XXYLT1: variants seen among roughly 807,000 people sequenced by gnomAD.
XXYLT1 encodes UDP-xylose:alpha-xyloside alpha-1,3-xylosyltransferase.
In XXYLT1, 20 loss-of-function variants were observed where a neutral mutation model predicts 28.9. The observed-to-expected ratio is 0.69, with a 90% confidence interval of 0.49 to 1.00. The LOEUF (loss-of-function observed/expected upper bound fraction) is 1.00, where lower values mean the gene tolerates loss of function less well. Ranked by LOEUF, XXYLT1 falls within the 50% of genes least tolerant of loss-of-function variation. XXYLT1 has a pLI of 0.00. For missense variants in XXYLT1, 542 were observed against 560.1 expected, an observed-to-expected ratio of 0.97 and a Z score of 0.33; for synonymous variants, 257 against 253.8, an observed-to-expected ratio of 1.01 and a Z score of -0.12.
intron 2 of XXYLT1, among the ~76,000 whole-genome samples, chr3:195,225,238 T>C (rs2108800218): frequency 6.6e-6 from 1 of 152,224 alleles, no homozygotes; most frequent in Non-Finnish European, 1.5e-5. Flanking sequence ...GGTGAGCTCG[T>C]CTCCTCTCTT....
rs1577147261 is a variant in XXYLT1, at chr3:195,207,971, A to C, written c.652+18738T>G. Among the ~76,000 whole-genome samples, 3 of 152,184 alleles carry C rather than the reference A, an allele frequency of 2.0e-5. No homozygotes were observed. In the South Asian group the frequency reaches 6.2e-4, roughly 32 times the overall value. On this transcript the variant is annotated intron_variant, in intron 2 of 3. Coordinates refer to ENST00000310380, the MANE Select transcript of XXYLT1 (RefSeq NM_152531.5). ...AGGCAAGGCTCAGAGAGAGAGACAG[A>C]AAGTGCCCAAGACAGAAGCAGCAGG... is the stretch of plus-strand genomic sequence containing the variant.
At chr3:195,138,595 T>C (rs942579149) in intron 3 of XXYLT1, among the ~76,000 whole-genome samples, 3 of 152,124 alleles carry the variant, frequency 2.0e-5, no homozygotes, top group African/African-American at 4.8e-5. Context: ...CAGTGGCTCA[T>C]GTCTGTAATC....
At chr3:195,226,444 G>A (rs1260925014) in intron 2 of XXYLT1, among the ~76,000 whole-genome samples, 1 of 152,104 alleles carries the variant, frequency 6.6e-6, no homozygotes. Context: ...GGGGGCGAGT[G>A]CAAGGGGCAG....
chr3:195,080,673 T>G (rs1715383517), intron 3 of XXYLT1, among the ~76,000 whole-genome samples: 1 of 151,974 alleles, frequency 6.6e-6, no homozygotes, highest in South Asian at 2.1e-4. Flanking sequence ...CCAGGACACA[T>G]GGTGGGGTGT....
At chr3:195,263,829 C>G (rs969423289) in intron 1 of XXYLT1, among the ~76,000 whole-genome samples, 2 of 152,214 alleles carry the variant, frequency 1.3e-5, no homozygotes, top group South Asian at 4.1e-4. Flanking sequence ...TCTAGGATAT[C>G]CTGGGTTTAA....
At chr3:195,218,060 A>G (rs13077939) in intron 2 of XXYLT1, among the ~76,000 whole-genome samples, 2,039 of 141,492 alleles carry the variant, frequency 0.014, 61 homozygotes, top group African/African-American at 0.057. Flanking sequence ...ACAAGTAATG[A>G]GGAACGGATT....
At chr3:195,075,376 A>G (rs1715055568) in intron 3 of XXYLT1, among the ~76,000 whole-genome samples, 1 of 152,254 alleles carries the variant, frequency 6.6e-6, no homozygotes, top group Admixed American at 6.5e-5. Context: ...TCATATACCC[A>G]TTGTGCAGAT....
At chr3:195,202,138 C>A (rs542736893) in intron 2 of XXYLT1, among the ~76,000 whole-genome samples, 1 of 152,142 alleles carries the variant, frequency 6.6e-6, no homozygotes, top group Non-Finnish European at 1.5e-5. Context: ...GATCGTGCCA[C>A]TGCACTCCTG....
intron 1 of XXYLT1, among the ~76,000 whole-genome samples, chr3:195,267,588 T>C (rs553358354): frequency 6.6e-6 from 1 of 152,338 alleles, no homozygotes; most frequent in East Asian, 1.9e-4. Context: ...TGTCAGGTGC[T>C]AGGGAGGCAG....
At position 195,270,711 on chromosome 3, in the gene XXYLT1, G is replaced by T; in HGVS notation, c.348C>A (p.Ala116=). ...GTGAGCGCAGCGCGACGCGGGCCTT[G>T]GCCTGCAGCGCGGCATTGTGCTCCG... ...TKAEHNAALQ[A]KARVALRSLL... The change falls in exon 1 of 4, where the codon GCC becomes GCA. Residue 116 remains alanine, a synonymous_variant. Transcript: ENST00000310380. 6.3e-7 allele frequency: 1 copy of T among 1,590,544 alleles called. No homozygotes were observed.
At chr3:195,081,901 C>T (rs1303654868) in intron 3 of XXYLT1, among the ~76,000 whole-genome samples, 6 of 152,166 alleles carry the variant, frequency 3.9e-5, no homozygotes, top group Non-Finnish European at 5.9e-5. Context: ...GCTGGGCGCT[C>T]GGTTCCTAAA....
chr3:195,268,553 G>A (rs1470349787), intron 1 of XXYLT1, among the ~76,000 whole-genome samples: 3 of 151,444 alleles, frequency 2.0e-5, no homozygotes, highest in Non-Finnish European at 4.4e-5. Context: ...AGCTGAGATC[G>A]TGCCACTGCA....
chr3:195,112,201 G>A (rs1717756472), intron 3 of XXYLT1, among the ~76,000 whole-genome samples: 2 of 152,130 alleles, frequency 1.3e-5, no homozygotes, highest in African/African-American at 2.4e-5. Flanking sequence ...ACATCTCAGC[G>A]ACACCTGGGC....
chr3:195,156,387 A>G, intron 3 of XXYLT1, 62 bp downstream of exon 3: 2 of 1,584,246 alleles, frequency 1.3e-6, no homozygotes, highest in Non-Finnish European at 1.7e-6. Context: ...CGGCTGGCAG[A>G]AGAGAGAGGG....
chr3:195,271,122 C>T lies in XXYLT1; in HGVS notation c.-64G>A. 7 of 1,274,104 alleles carry T rather than the reference C, an allele frequency of 5.5e-6. No individual in the cohort carries two copies. In the South Asian group the frequency reaches 1.8e-4, roughly 33 times the overall value. The allele number at this position is 1,274,104 out of a possible 1,614,324, so 78.9% of individuals were successfully genotyped here. The stretch of plus-strand genomic sequence containing the variant: ...GGGAGAGCCCTCGGGTACCCGGACG[C>T]CGGCGGCCACTTAGCCCCGGCGCCA... On this transcript the variant is annotated 5_prime_UTR_variant, in exon 1 of 4. Transcript: ENST00000310380.
At chr3:195,112,583 GCA>G (rs111315795) in intron 3 of XXYLT1, among the ~76,000 whole-genome samples, 5,220 of 133,424 alleles carry the variant, frequency 0.039, 169 homozygotes, top group African/African-American at 0.1. Context: ...ACACACGCAC[GCA>G]CACACACACA....
At chr3:195,252,683 G>GA (rs1725302527) in intron 1 of XXYLT1, among the ~76,000 whole-genome samples, 2 of 58,898 alleles carry the variant, frequency 3.4e-5, no homozygotes, top group Admixed American at 1.8e-4. Context: ...TTCAAAAGAA[G>GA]AAAAAAAACC....
At chr3:195,234,852 T>A (rs2108814057) in intron 1 of XXYLT1, among the ~76,000 whole-genome samples, 1 of 152,248 alleles carries the variant, frequency 6.6e-6, no homozygotes, top group African/African-American at 2.4e-5. Context: ...TTGGGCTAAA[T>A]CTGCTTGGTG....
rs572479903 is a variant in XXYLT1, at chr3:195,210,335, C to A, written c.652+16374G>T. Among the ~76,000 whole-genome samples the A allele has an allele frequency of 2.9e-4, 44 of 152,306 alleles. No individual in the cohort carries two copies. The highest frequency in any genetic ancestry group is 4.7e-4 in the Non-Finnish European group (32 of 68,036). ...ACCCACTCACTTGGGGTCCCTCCAC[C>A]AACCGGAAGGTGAGCTCCCCAAGGG... On this transcript the variant is annotated intron_variant, in intron 2 of 3. Coordinates refer to ENST00000310380, the MANE Select transcript of XXYLT1 (RefSeq NM_152531.5). This position sits in a 1 kb window ranked among gnomAD's most constrained non-coding sequence, Gnocchi z 4.8.
Sources: gnomAD v4.1 joint callset for allele counts (sites outside exome capture counted in the v4.1 genomes callset) on GRCh38, gnomAD v4.1.1 for gene constraint, Gnocchi (gnomAD v3.1) non-coding constraint, MANE v1.5 for transcripts, NCBI Gene and HGNC (gene_info 2026-07-23, HGNC 2026-07-21) for gene names.